ADAMTSL3: variants seen among roughly 807,000 people sequenced by gnomAD.
The protein encoded by ADAMTSL3 is ADAMTS-like protein 3.
Under a neutral mutation model 201.7 loss-of-function variants are expected in ADAMTSL3, and 128 were observed. The ratio of observed to expected loss-of-function variants is 0.63; its 90% CI spans 0.55 to 0.73. The LOEUF is 0.73. Among genes scored for constraint, ADAMTSL3 ranks in the 30% least tolerant of loss-of-function variants. The pLI, the probability that ADAMTSL3 is intolerant of heterozygous loss-of-function variation, is 0.00. For synonymous variants in ADAMTSL3, 738 were observed against 748.4 expected (o/e 0.99, Z 0.23); for missense variants, 1,990 against 2,119.6 (o/e 0.94, Z 1.20).
chr15:84,019,265 G>A (rs1164320528), intron 25 of ADAMTSL3, among the ~76,000 whole-genome samples: 1 of 152,154 alleles, frequency 6.6e-6, no homozygotes, highest in Non-Finnish European at 1.5e-5. Context: ...TTTGGCAAGA[G>A]TGTGAAGCAA....
intron 3 of ADAMTSL3, among the ~76,000 whole-genome samples, chr15:83,725,093 T>G (rs1384632223): frequency 1.3e-5 from 2 of 151,574 alleles, no homozygotes; most frequent in Non-Finnish European, 3.0e-5. Context: ...TGCTGGAACA[T>G]GATAGTTCTA....
intron 17 of ADAMTSL3, among the ~76,000 whole-genome samples, chr15:83,925,311 T>A (rs1383626996): frequency 6.6e-6 from 1 of 152,194 alleles, no homozygotes; most frequent in African/African-American, 2.4e-5. Context: ...GTGTTTTGTA[T>A]CCATTACCAT....
chr15:83,905,912 G>A (rs1261865410), intron 15 of ADAMTSL3, among the ~76,000 whole-genome samples: 1 of 150,922 alleles, frequency 6.6e-6, no homozygotes. Flanking sequence ...TTTTTTAAAT[G>A]TTATTTTGTA....
At chr15:83,743,483 G>A (rs570474822) in intron 3 of ADAMTSL3, among the ~76,000 whole-genome samples, 9 of 137,920 alleles carry the variant, frequency 6.5e-5, no homozygotes, top group South Asian at 2.3e-4. Context: ...ACTGCAGTCC[G>A]CAGTCCGGCC....
chr15:83,845,207 C>T (rs1296780908), intron 7 of ADAMTSL3, among the ~76,000 whole-genome samples: 3 of 152,218 alleles, frequency 2.0e-5, no homozygotes, highest in Non-Finnish European at 4.4e-5. Flanking sequence ...TTAGTTCTTG[C>T]TTAGCCTTTA....
intron 23 of ADAMTSL3, among the ~76,000 whole-genome samples, 161 bp downstream of exon 23, chr15:83,991,375 C>G (rs1596507533): frequency 6.6e-6 from 1 of 152,304 alleles, no homozygotes; most frequent in East Asian, 1.9e-4. Context: ...ATCTAACTCT[C>G]AAGGGTGAGG....
rs544825663 is a variant in ADAMTSL3 at position 84,003,825 on chromosome 15, C to T, written c.3974-10717C>T. On this transcript the variant is annotated intron_variant, in intron 23 of 29. Transcript: ENST00000286744. The stretch of plus-strand genomic sequence containing the variant: ...GCATCCATTATAAAACACAGGGAAC[C>T]GTCAGAAGCCCCTGAATGACCCACT... Among the ~76,000 whole-genome samples, 9 of 152,264 alleles carry T rather than the reference C, an allele frequency of 5.9e-5. No homozygotes were observed. In the South Asian group the frequency reaches 1.2e-3, roughly 21 times the overall value.
chr15:83,831,505 C>T (rs1037738384), intron 6 of ADAMTSL3, among the ~76,000 whole-genome samples: 2 of 152,126 alleles, frequency 1.3e-5, no homozygotes, highest in African/African-American at 4.8e-5. Flanking sequence ...TTTAGGGTAC[C>T]TGAAGCATAT....
At position 83,942,662 on chromosome 15, in the gene ADAMTSL3, G is replaced by A; in HGVS notation, c.2184G>A (p.Val728=). Residue 728 remains valine (V), a synonymous_variant, in exon 18 of 30, where the codon GTG becomes GTA. Coordinates refer to ENST00000286744, the MANE Select transcript of ADAMTSL3 (RefSeq NM_207517.3). ...GAGTTGGAATTCAGACCCGAGATGT[G>A]TACTGCCTGCACCCAGGGGAGACCC... The part of the protein sequence containing the change: ...TCGVGIQTRD[V]YCLHPGETPA... The A allele has an allele frequency of 6.2e-7, 1 of 1,614,104 alleles. No homozygotes were observed. Among genetic ancestry groups the A allele is most frequent in the South Asian group, 1.1e-5 (1 of 91,086 alleles).
At chr15:83,758,963 G>A (rs891741279) in intron 3 of ADAMTSL3, among the ~76,000 whole-genome samples, 1 of 152,078 alleles carries the variant, frequency 6.6e-6, no homozygotes, top group African/African-American at 2.4e-5. Flanking sequence ...ATTCTTGGGT[G>A]ATTTTTTTCT....
intron 2 of ADAMTSL3, among the ~76,000 whole-genome samples, chr15:83,701,920 T>C (rs1256440519): frequency 6.6e-6 from 1 of 151,866 alleles, no homozygotes; most frequent in Non-Finnish European, 1.5e-5. Flanking sequence ...GTTGGAACAG[T>C]TTGGAGGGCT....
At chr15:83,874,573 T>A (rs1391428309) in intron 9 of ADAMTSL3, among the ~76,000 whole-genome samples, 1 of 143,824 alleles carries the variant, frequency 7.0e-6, no homozygotes, top group Non-Finnish European at 1.5e-5. Context: ...TTGTGCCTGT[T>A]ACCCCTGCTT....
intron 4 of ADAMTSL3, among the ~76,000 whole-genome samples, chr15:83,798,304 C>T (rs1447329383): frequency 1.3e-5 from 2 of 152,120 alleles, no homozygotes; most frequent in Non-Finnish European, 2.9e-5. Flanking sequence ...TCCCTGAGCT[C>T]ATCTAATTTA....
intron 2 of ADAMTSL3, among the ~76,000 whole-genome samples, chr15:83,674,768 T>TATATACACAC (rs57180962): frequency 9.1e-6 from 1 of 110,448 alleles, no homozygotes; most frequent in Non-Finnish European, 1.7e-5. Flanking sequence ...CATATATACA[T>TATATACACAC]ATATATATAT....
intron 9 of ADAMTSL3, among the ~76,000 whole-genome samples, chr15:83,882,860 T>C (rs1042244121): frequency 2.2e-4 from 33 of 152,114 alleles, no homozygotes; most frequent in Non-Finnish European, 2.8e-4. Context: ...TTGTTTATGC[T>C]TTTTGTTTTA....
At position 83,936,010 on chromosome 15, in the gene ADAMTSL3, G is replaced by A. The variant is rs117501715; in HGVS notation, c.2118-6586G>A. 4.2e-3 allele frequency among the ~76,000 whole-genome samples: 636 copies of A among 152,082 alleles called. 2 individuals carry two copies. The highest frequency in any genetic ancestry group is 6.8e-3 in the Non-Finnish European group (459 of 67,882). ...TTCACTAAAGACAATTTTAAAGAAT[G>A]TATTCATTAAGAAGGAAAATGATCC... On this transcript the variant is annotated intron_variant, in intron 17 of 29. Coordinates refer to ENST00000286744, the MANE Select transcript of ADAMTSL3 (RefSeq NM_207517.3).
intron 19 of ADAMTSL3, among the ~76,000 whole-genome samples, chr15:83,955,508 C>G (rs903294125): frequency 6.6e-6 from 1 of 151,998 alleles, no homozygotes; most frequent in South Asian, 2.1e-4. Flanking sequence ...GATACTCTAT[C>G]CACTGTGCTG....
At chr15:83,881,803 T>A (rs941799235) in intron 9 of ADAMTSL3, among the ~76,000 whole-genome samples, 1 of 151,194 alleles carries the variant, frequency 6.6e-6, no homozygotes, top group Non-Finnish European at 1.5e-5. Flanking sequence ...TGCAGTGAGC[T>A]GAGATCGCAC....
chr15:83,738,457 T>C (rs1300890360), intron 3 of ADAMTSL3, among the ~76,000 whole-genome samples: 1 of 152,242 alleles, frequency 6.6e-6, no homozygotes, highest in African/African-American at 2.4e-5. Flanking sequence ...TCTAAAATTC[T>C]GTGAAGATTT....
Sources: allele counts gnomAD v4.1 joint callset (sites outside exome capture counted in the v4.1 genomes callset), GRCh38; gene constraint gnomAD v4.1.1; transcripts MANE v1.5; gene names NCBI Gene and HGNC (gene_info 2026-07-23, HGNC 2026-07-21).